The following C8orf34 variants were observed in gnomAD, a reference collection of about 807,000 sequenced individuals.
The protein encoded by C8orf34 is chromosome 8 open reading frame 34.
In C8orf34, 65 loss-of-function variants were observed where a neutral mutation model predicts 68.3. The observed-to-expected ratio is 0.95, with a 90% CI of 0.78 to 1.17. The LOEUF (loss-of-function observed/expected upper bound fraction) is 1.17. Ranked by LOEUF, C8orf34 falls within the 50% of genes most tolerant of loss-of-function variation. The pLI, the probability that C8orf34 is intolerant of heterozygous loss-of-function variation, is 0.00. For synonymous variants in C8orf34, 244 were observed against 241.2 expected (o/e 1.01, Z -0.11); for missense variants, 664 against 655.4 (o/e 1.01, Z -0.14).
intron 8 of C8orf34, among the ~76,000 whole-genome samples, chr8:68,670,837 G>A (rs1162822898): frequency 1.3e-5 from 2 of 152,094 alleles, no homozygotes; most frequent in African/African-American, 4.8e-5. Context: ...TGAGTAGAAA[G>A]GAAGCTTTCA....
intron 6 of C8orf34, among the ~76,000 whole-genome samples, chr8:68,522,230 T>C (rs1814786890): frequency 6.6e-6 from 1 of 152,176 alleles, no homozygotes; most frequent in African/African-American, 2.4e-5. Context: ...AATAGAGAAT[T>C]AATTTCAAGA....
intron 1 of C8orf34, among the ~76,000 whole-genome samples, chr8:68,351,679 T>C (rs1806518877): frequency 6.6e-6 from 1 of 152,102 alleles, no homozygotes; most frequent in Non-Finnish European, 1.5e-5. Context: ...TTCTTTATTT[T>C]TGTGGACATA....
At chr8:68,396,059 T>C (rs1808691187) in intron 1 of C8orf34, among the ~76,000 whole-genome samples, 2 of 152,042 alleles carry the variant, frequency 1.3e-5, no homozygotes, top group Admixed American at 1.3e-4. Flanking sequence ...CTTTGGAATA[T>C]TTTACAGTTA....
chr8:68,815,063 T>C (rs1824769830), intron 12 of C8orf34, among the ~76,000 whole-genome samples: 2 of 152,186 alleles, frequency 1.3e-5, no homozygotes, highest in African/African-American at 2.4e-5. Flanking sequence ...GTAGGGCTAG[T>C]GTTCCAAGAG....
intron 4 of C8orf34, among the ~76,000 whole-genome samples, chr8:68,482,988 T>TC (rs1338353441): frequency 6.6e-6 from 1 of 151,854 alleles, no homozygotes; most frequent in East Asian, 1.9e-4. Context: ...AATTGGCATT[T>TC]TTTTCCAGTA....
chr8:68,716,595 T>A (rs1821479620), intron 9 of C8orf34, among the ~76,000 whole-genome samples: 1 of 152,086 alleles, frequency 6.6e-6, no homozygotes, highest in Non-Finnish European at 1.5e-5. Context: ...ATACAATCTT[T>A]TTTCTTTTAC....
At chr8:68,712,625 G>C (rs1821357808) in intron 9 of C8orf34, among the ~76,000 whole-genome samples, 1 of 152,090 alleles carries the variant, frequency 6.6e-6, no homozygotes, top group Admixed American at 6.6e-5. Flanking sequence ...AAAAGGATTA[G>C]TTCAATAGGA....
At chr8:68,754,902 A>AT (rs924262225) in intron 10 of C8orf34, among the ~76,000 whole-genome samples, 2 of 151,946 alleles carry the variant, frequency 1.3e-5, no homozygotes, top group African/African-American at 4.8e-5. Context: ...ACACATTGGA[A>AT]TTTTTTTTAG....
At chr8:68,420,758 A>G (rs1048102824) in intron 1 of C8orf34, among the ~76,000 whole-genome samples, 1 of 152,234 alleles carries the variant, frequency 6.6e-6, no homozygotes, top group African/African-American at 2.4e-5. Flanking sequence ...ACAGAAATCA[A>G]GAACTCAAAA....
chr8:68,594,641 T>C (rs1223003867), intron 7 of C8orf34, among the ~76,000 whole-genome samples: 1 of 152,144 alleles, frequency 6.6e-6, no homozygotes, highest in East Asian at 1.9e-4. Context: ...TCTTCATGGT[T>C]CATCAGTTTT....
chr8:68,750,575 A>G (rs185333843), intron 10 of C8orf34, among the ~76,000 whole-genome samples: 116 of 152,276 alleles, frequency 7.6e-4, no homozygotes, highest in Middle Eastern at 3.4e-3. Flanking sequence ...ATGCCATTCA[A>G]TCTTAACTTT....
At chr8:68,705,022 C>A (rs985552105) in intron 8 of C8orf34, among the ~76,000 whole-genome samples, 1 of 152,020 alleles carries the variant, frequency 6.6e-6, no homozygotes, top group Admixed American at 6.6e-5. Context: ...TATGGTGGTA[C>A]TATAAAGAAG....
At chr8:68,369,790 C>T (rs1807478312) in intron 1 of C8orf34, among the ~76,000 whole-genome samples, 1 of 152,226 alleles carries the variant, frequency 6.6e-6, no homozygotes, top group African/African-American at 2.4e-5. Flanking sequence ...CTGTAATTCT[C>T]TGCACACTTG....
chr8:68,588,210 GAAGT>G (rs1174202275), intron 7 of C8orf34, among the ~76,000 whole-genome samples: 31 of 152,038 alleles, frequency 2.0e-4, no homozygotes, highest in Non-Finnish European at 5.9e-5. Flanking sequence ...GTATTTATCT[GAAGT>G]AAGTATTATT....
intron 7 of C8orf34, among the ~76,000 whole-genome samples, chr8:68,547,631 A>G (rs113784063): frequency 9.2e-5 from 14 of 151,954 alleles, no homozygotes; most frequent in African/African-American, 3.1e-4. Flanking sequence ...ACACTTAAAA[A>G]TATTGTTAAA....
At chr8:68,334,561 A>G (rs1805765903) in intron 1 of C8orf34, among the ~76,000 whole-genome samples, 1 of 152,108 alleles carries the variant, frequency 6.6e-6, no homozygotes, top group Non-Finnish European at 1.5e-5. Context: ...CAGGGCAGTT[A>G]TATATCTTGG....
intron 11 of C8orf34, among the ~76,000 whole-genome samples, chr8:68,787,009 AG>A (rs1422399701): frequency 6.6e-6 from 1 of 152,204 alleles, no homozygotes; most frequent in African/African-American, 2.4e-5. Flanking sequence ...GGAAGGAGGC[AG>A]TGAAGTAATA....
chr8:68,755,203 A>G (rs1822820335), intron 10 of C8orf34, among the ~76,000 whole-genome samples: 1 of 152,186 alleles, frequency 6.6e-6, no homozygotes, highest in Non-Finnish European at 1.5e-5. Context: ...CATTCAAACT[A>G]AAGCCCAAGT....
At chr8:68,729,061 G>A (rs1821911787) in intron 10 of C8orf34, among the ~76,000 whole-genome samples, 1 of 152,180 alleles carries the variant, frequency 6.6e-6, no homozygotes, top group African/African-American at 2.4e-5. Context: ...TGGAAAACAT[G>A]AAGATGAAGC....
Sources: allele counts gnomAD v4.1 joint callset (sites outside exome capture counted in the v4.1 genomes callset), GRCh38; gene constraint gnomAD v4.1.1; transcripts MANE v1.5; gene names NCBI Gene and HGNC (gene_info 2026-07-23, HGNC 2026-07-21).